Variants in ATP2A3 observed in about 807,000 individuals in gnomAD.
ATP2A3 encodes sarcoplasmic/endoplasmic reticulum calcium ATPase 3.
In ATP2A3, 61 loss-of-function variants were observed where a neutral mutation model predicts 106.8. That is an observed-to-expected ratio of 0.57 (90% confidence interval 0.46 to 0.71). The LOEUF is 0.71. Ranked by LOEUF, ATP2A3 falls within the 30% of genes least tolerant of loss-of-function variation. The pLI is 0.00. For synonymous variants in ATP2A3, 611 were observed against 609.3 expected (o/e 1.00, Z -0.04); for missense variants, 1,201 against 1,423.5 (o/e 0.84, Z 2.52).
Position 3,944,790 on chromosome 17 carries a change from G to T in ATP2A3, c.1201C>A (p.Pro401Thr), listed in dbSNP as rs1479703344. The T allele has an allele frequency of 6.2e-7, 1 of 1,611,468 alleles. No individual in the cohort carries two copies. Among genetic ancestry groups the T allele is most frequent in the South Asian group, 1.1e-5 (1 of 90,868 alleles). The change falls in exon 10 of 21, where the codon CCT becomes ACT. Residue 401 changes from proline (P) to threonine (T), a missense_variant. Transcript: ENST00000397041. ...CCGTCGAACTGGCCGCAGCGCACAG[G>T]CTGATCCCCCTGCCGCCTGCGGAGC... Reference protein sequence around the residue: ...PEGEVRQGDQPVRCGQFDGLV... With the variant: ...PEGEVRQGDQTVRCGQFDGLV...
chr17:3,940,050 GT>G (rs58490329), intron 14 of ATP2A3, among the ~76,000 whole-genome samples: 21 of 96,768 alleles, frequency 2.2e-4, no homozygotes, highest in Non-Finnish European at 3.2e-4. Flanking sequence ...TTTGTTTTTT[GT>G]TTTTTTTTTT....
Position 3,947,507 on chromosome 17 carries a change from C to A in ATP2A3, c.979G>T (p.Ala327Ser), listed in dbSNP as rs1361608096. 3 of 1,613,370 alleles carry A rather than the reference C, an allele frequency of 1.9e-6. No homozygotes were observed. In the Admixed American group the frequency reaches 5.0e-5, roughly 27 times the overall value. Reference sequence around the variant, plus strand: ...CTTCGCACGATGGCGTTCTTGCGTGCCATGCGCCGCGTGCCCAGTGCCAGG... The same window carrying A: ...CTTCGCACGATGGCGTTCTTGCGTGACATGCGCCGCGTGCCCAGTGCCAGG... ...TCLALGTRRM[A>S]RKNAIVRSLP... The change falls in exon 8 of 21, where the codon GCA becomes TCA. Residue 327 changes from alanine (A) to serine (S), a missense_variant. By Grantham distance (99) the Ala-to-Ser change is moderately conservative (BLOSUM62 1). Transcript: ENST00000397041. The surrounding 1 kb of genome is among the most constrained non-coding windows in gnomAD (Gnocchi z 7.7).
Position 3,929,222 on chromosome 17 carries a change from C to G in ATP2A3, c.2862+106G>C, listed in dbSNP as rs1009115611. 7 of 1,082,710 alleles carry G rather than the reference C, an allele frequency of 6.5e-6. No homozygotes were observed. The highest frequency in any genetic ancestry group is 4.6e-5 in the Admixed American group (2 of 43,090). 67.1% of individuals were successfully genotyped at this position (1,082,710 alleles called of 1,614,324 possible). On this transcript the variant is annotated intron_variant, in intron 19 of 20. Transcript: ENST00000397041. This position sits in a 1 kb window ranked among gnomAD's most constrained non-coding sequence, Gnocchi z 4.3. Reference sequence around the variant, plus strand: ...GGCTGGCCAGACCTCTCACCTCCCTCTCCTCCAGGTAGTTTCCATTGCAGG... The same window carrying G: ...GGCTGGCCAGACCTCTCACCTCCCTGTCCTCCAGGTAGTTTCCATTGCAGG...
chr17:3,945,140 C>T lies in ATP2A3; in HGVS notation c.1104G>A (p.Val368=). 6.5e-7 allele frequency: 1 copy of T among 1,547,850 alleles called. No homozygotes were observed. The highest frequency in any genetic ancestry group is 8.7e-7 in the Non-Finnish European group (1 of 1,145,820). Residue 368 remains valine (V), a synonymous_variant, in exon 9 of 21, where the codon GTG becomes GTA. Transcript: ENST00000397041. ...AGGAGCCCGCATCGGCCTCGGCTAC[C>T]ACGAACATCTGGGGAGCGCAGGGGC... ...TNQMSVCRMF[V]VAEADAGSCL...
At chr17:3,937,790 T>C (rs1429418118) in intron 14 of ATP2A3, among the ~76,000 whole-genome samples, 154 bp from the exon 15 acceptor site, 2 of 151,954 alleles carry the variant, frequency 1.3e-5, no homozygotes, top group Non-Finnish European at 2.9e-5. Context: ...GAACTAGAAA[T>C]TGGGCAGAGG....
At position 3,955,088 on chromosome 17, in the gene ATP2A3, C is replaced by G. The variant is rs1320747352; in HGVS notation, c.119-1378G>C. On this transcript the variant is annotated intron_variant, in intron 1 of 20. Transcript: ENST00000397041. This position sits in a 1 kb window ranked among gnomAD's most constrained non-coding sequence, Gnocchi z 4.2. ...TCCCAGGCCGCAGTCTAACTGAGCC[C>G]TGCCTCCTCTTGTCTCTTGCCACTC... 2.6e-5 allele frequency among the ~76,000 whole-genome samples: 4 copies of G among 152,236 alleles called. No homozygotes were observed. In the East Asian group the frequency reaches 7.7e-4, roughly 29 times the overall value.
Position 3,953,166 on chromosome 17 carries a change from G to T in ATP2A3, c.219+181C>A. Reference sequence around the variant, plus strand: ...GTGGGAGCCGGGGACCCAATGTAGGGGCCATGAGGGTTCAGGCAAGGGAAG... The same window carrying T: ...GTGGGAGCCGGGGACCCAATGTAGGTGCCATGAGGGTTCAGGCAAGGGAAG... On this transcript the variant is annotated intron_variant, in intron 3 of 20. Coordinates refer to ENST00000397041, the MANE Select transcript of ATP2A3 (RefSeq NM_005173.4). The surrounding 1 kb of genome is among the most constrained non-coding windows in gnomAD (Gnocchi z 5.1). 1.4e-6 allele frequency: 1 copy of T among 693,618 alleles called. No individual in the cohort carries two copies. 43.0% of individuals were successfully genotyped at this position (693,618 alleles called of 1,614,324 possible).
Position 3,924,552 on chromosome 17 carries a change from T to G in ATP2A3, c.*870A>C. On this transcript the variant is annotated 3_prime_UTR_variant, in exon 21 of 21. Transcript: ENST00000397041. This position sits in a 1 kb window ranked among gnomAD's most constrained non-coding sequence, Gnocchi z 6.4. Reference sequence around the variant, plus strand: ...TAGAAGGGCGCCACGGTCAGGAACCTGAGGATGTCGGTGGTCTCAGGTACC... The same window carrying G: ...TAGAAGGGCGCCACGGTCAGGAACCGGAGGATGTCGGTGGTCTCAGGTACC... The G allele has an allele frequency of 2.9e-6, 1 of 347,598 alleles. No individual in the cohort carries two copies. Among genetic ancestry groups the G allele is most frequent in the Non-Finnish European group, 5.7e-6 (1 of 174,636 alleles). The allele number at this position is 347,598 out of a possible 1,614,324, so 21.5% of individuals were successfully genotyped here.
At position 3,928,045 on chromosome 17, in the gene ATP2A3, A is replaced by C. The variant is rs2052812642; in HGVS notation, c.2980+618T>G. On this transcript the variant is annotated intron_variant, in intron 20 of 20. Transcript: ENST00000397041. The surrounding 1 kb of genome is among the most constrained non-coding windows in gnomAD (Gnocchi z 6.1). The stretch of plus-strand genomic sequence containing the variant: ...CGATGCTGTGTCCCTGGCCCTTGGA[A>C]GTTCAGAATCACCCACTCTCAGAGC... 1.2e-6 allele frequency: 2 copies of C among 1,613,916 alleles called. No individual in the cohort carries two copies. The highest frequency in any genetic ancestry group is 1.7e-5 in the Admixed American group (1 of 59,994).
At position 3,955,445 on chromosome 17, in the gene ATP2A3, G is replaced by A. The variant is rs756532587; in HGVS notation, c.119-1735C>T. 6.6e-6 allele frequency among the ~76,000 whole-genome samples: 1 copy of A among 152,112 alleles called. No individual in the cohort carries two copies. The highest frequency in any genetic ancestry group is 1.5e-5 in the Non-Finnish European group (1 of 68,026). On this transcript the variant is annotated intron_variant, in intron 1 of 20. Coordinates refer to ENST00000397041, the MANE Select transcript of ATP2A3 (RefSeq NM_005173.4). The surrounding 1 kb of genome is among the most constrained non-coding windows in gnomAD (Gnocchi z 4.2). ...GCATTTTCTCCAAAGTCCTATTTTC[G>A]GCAGTGGCTGACATTTTCCGTGGAA...
intron 1 of ATP2A3, among the ~76,000 whole-genome samples, chr17:3,961,958 C>A (rs2055161857): frequency 6.6e-6 from 1 of 152,190 alleles, no homozygotes; most frequent in African/African-American, 2.4e-5. Flanking sequence ...CTAGGGACAT[C>A]TGCACCTCCT....
At position 3,936,227 on chromosome 17, in the gene ATP2A3, G is replaced by A; in HGVS notation, c.2524+40C>T. 6.2e-7 allele frequency: 1 copy of A among 1,610,960 alleles called. No homozygotes were observed. Among genetic ancestry groups the A allele is most frequent in the Admixed American group, 1.7e-5 (1 of 60,008 alleles). On this transcript the variant is annotated intron_variant, in intron 16 of 20. Transcript: ENST00000397041. The surrounding 1 kb of genome is among the most constrained non-coding windows in gnomAD (Gnocchi z 5.4). Reference sequence around the variant, plus strand: ...TGCAAGCCTGATACAAGGCTCTTAGGAAGCTTAGGAATTCCACGGAGGGCT... The same window carrying A: ...TGCAAGCCTGATACAAGGCTCTTAGAAAGCTTAGGAATTCCACGGAGGGCT...
chr17:3,929,886 G>A lies in ATP2A3; in HGVS notation c.2744+415C>T, dbSNP rs1213982199. On this transcript the variant is annotated intron_variant, in intron 18 of 20. Coordinates refer to ENST00000397041, the MANE Select transcript of ATP2A3 (RefSeq NM_005173.4). This position sits in a 1 kb window ranked among gnomAD's most constrained non-coding sequence, Gnocchi z 4.3. ...CCCTGACCCCTGGAACCCAATCCTG[G>A]ACCCTTGACCCTCTGATCCCAATCC... is the stretch of plus-strand genomic sequence containing the variant. 6.9e-6 allele frequency among the ~76,000 whole-genome samples: 1 copy of A among 144,976 alleles called. No homozygotes were observed. Among genetic ancestry groups the A allele is most frequent in the Non-Finnish European group, 1.5e-5 (1 of 67,770 alleles).
Position 3,938,359 on chromosome 17 carries a change from G to A in ATP2A3, c.2101-723C>T, listed in dbSNP as rs2301350. On this transcript the variant is annotated intron_variant, in intron 14 of 20. Transcript: ENST00000397041. ...TGAGGCAGGGGAGTCGCTTGAGCCC[G>A]GGAGGCGGAGGTTGCAGTGAGCCGA... 3.7e-3 allele frequency among the ~76,000 whole-genome samples: 558 copies of A among 151,968 alleles called. 4 individuals carry two copies. Among genetic ancestry groups the A allele is most frequent in the East Asian group, 0.02 (102 of 4,996 alleles).
At chr17:3,942,091 G>A (rs554619420) in intron 12 of ATP2A3, among the ~76,000 whole-genome samples, 15 of 152,264 alleles carry the variant, frequency 9.9e-5, no homozygotes, top group Admixed American at 9.2e-4. Flanking sequence ...AGGGTATGGC[G>A]GGCATAGCCC....
At chr17:3,948,159 C>T (rs568382783) in intron 7 of ATP2A3, among the ~76,000 whole-genome samples, 1 of 152,300 alleles carries the variant, frequency 6.6e-6, no homozygotes, top group Non-Finnish European at 1.5e-5. Context: ...CAGCGCAGCA[C>T]AAGCATCAAC....
chr17:3,963,853 G>A (rs1396953019), intron 1 of ATP2A3, among the ~76,000 whole-genome samples: 3 of 152,094 alleles, frequency 2.0e-5, no homozygotes, highest in Non-Finnish European at 4.4e-5. Context: ...CGTTGGGGTG[G>A]AATACGGTCC....
chr17:3,949,659 C>T lies in ATP2A3; in HGVS notation c.630+852G>A, dbSNP rs544665022. ...TTAATCTCTCTGTGCTTGTTTCTTT[C>T]CTTGCTGGAAAATATAGATAACAAG... On this transcript the variant is annotated intron_variant, in intron 7 of 20. Transcript: ENST00000397041. Among the ~76,000 whole-genome samples the T allele has an allele frequency of 2.4e-3, 362 of 152,264 alleles. 1 individual carries two copies. The highest frequency in any genetic ancestry group is 3.8e-3 in the Non-Finnish European group (261 of 68,032).
At chr17:3,933,029 C>T (rs1209248255) in intron 17 of ATP2A3, among the ~76,000 whole-genome samples, 1 of 151,748 alleles carries the variant, frequency 6.6e-6, no homozygotes, top group Non-Finnish European at 1.5e-5. Flanking sequence ...CGCCTGTATT[C>T]CCAGCACTTT....
Sources: allele counts gnomAD v4.1 joint callset (sites outside exome capture counted in the v4.1 genomes callset), GRCh38; gene constraint gnomAD v4.1.1; non-coding constraint Gnocchi (gnomAD v3.1); transcripts MANE v1.5; gene names NCBI Gene and HGNC (gene_info 2026-07-23, HGNC 2026-07-21).